The following VIPR2 variants were observed in gnomAD, a reference collection of about 807,000 sequenced individuals.
VIPR2 encodes the protein vasoactive intestinal polypeptide receptor 2.
Under a neutral mutation model 58.0 loss-of-function variants are expected in VIPR2, and 48 were observed. That is an observed-to-expected ratio of 0.83 (90% CI 0.66 to 1.05). VIPR2 has a LOEUF of 1.05. Ranked by LOEUF, VIPR2 falls within the 50% of genes least tolerant of loss-of-function variation. VIPR2 has a pLI of 0.00. For synonymous variants in VIPR2, 243 were observed against 235.2 expected (o/e 1.03, Z -0.30); for missense variants, 534 against 558.0 (o/e 0.96, Z 0.43).
intron 2 of VIPR2, among the ~76,000 whole-genome samples, chr7:159,134,869 G>C (rs189129631): frequency 0.013 from 1,970 of 151,998 alleles, 17 homozygotes; most frequent in Non-Finnish European, 0.021. Flanking sequence ...GTGTTAGCCA[G>C]GATGGTCTTG....
chr7:159,034,662 A>G lies in VIPR2; in HGVS notation c.810-12T>C, dbSNP rs1232947016. On this transcript the variant is annotated splice_polypyrimidine_tract_variant and intron_variant, in intron 8 of 12. Coordinates refer to ENST00000262178, the MANE Select transcript of VIPR2 (RefSeq NM_003382.5). Reference sequence around the variant, plus strand: ...TTGTATCCCAGCAACTGTCAGAGAGAGATGGGAAATCAGGTTACCACCAAC... The same window carrying G: ...TTGTATCCCAGCAACTGTCAGAGAGGGATGGGAAATCAGGTTACCACCAAC... 4 of 1,613,046 alleles carry G rather than the reference A, an allele frequency of 2.5e-6. No homozygotes were observed. The South Asian group carries it at 4.4e-5, about 18-fold the overall frequency.
intron 6 of VIPR2, among the ~76,000 whole-genome samples, chr7:159,037,200 C>CA (rs1302567352): frequency 6.6e-6 from 1 of 152,240 alleles, no homozygotes; most frequent in Non-Finnish European, 1.5e-5. Context: ...ACAGGCCGCA[C>CA]AGCTCCCTGG....
chr7:159,081,972 C>A (rs1217712356), intron 4 of VIPR2, among the ~76,000 whole-genome samples: 2 of 152,132 alleles, frequency 1.3e-5, no homozygotes, highest in African/African-American at 2.4e-5. Flanking sequence ...ACAACAGGTG[C>A]TGGAGAGGAT....
chr7:159,030,633 C>G lies in VIPR2; in HGVS notation c.1300G>C (p.Glu434Gln), dbSNP rs1023034655. ...GGGTGGGGCTAGATGACCGAGGTCTCCGTTTGCAGGAAGGACTGGGCGCGG... is the reference window on the plus strand; with the variant it reads ...GGGTGGGGCTAGATGACCGAGGTCTGCGTTTGCAGGAAGGACTGGGCGCGG... ...GSRAQSFLQT[E>Q]TSVI The change falls in exon 13 of 13, where the codon GAG becomes CAG. Residue 434 changes from glutamate (E) to glutamine (Q), a missense_variant. This residue lies in a region of VIPR2 where 306 missense variants were observed against 285.8 expected (regional missense o/e 1.07). Transcript: ENST00000262178. 1.9e-6 allele frequency: 3 copies of G among 1,550,604 alleles called. No individual in the cohort carries two copies. The highest frequency in any genetic ancestry group is 1.2e-5 in the South Asian group (1 of 83,670).
At chr7:159,135,004 G>GTTTTTTGTTTTTTTTTTTTTTTT (rs1416758329) in intron 2 of VIPR2, among the ~76,000 whole-genome samples, 1 of 65,992 alleles carries the variant, frequency 1.5e-5, no homozygotes, top group African/African-American at 6.5e-5. Flanking sequence ...AATTACAAAA[G>GTTTTTTGTTTTTTTTTTTTTTTT]TTTTTTTTTT....
At chr7:159,034,732 C>A in intron 8 of VIPR2, 82 bp from the exon 9 acceptor site, 1 of 1,140,434 alleles carries the variant, frequency 8.8e-7, no homozygotes, top group Non-Finnish European at 1.3e-6. Flanking sequence ...CTGCCCCTCC[C>A]AACTTGCCCA....
At chr7:159,062,618 TAGTG>T in intron 4 of VIPR2, among the ~76,000 whole-genome samples, 1 of 152,250 alleles carries the variant, frequency 6.6e-6, no homozygotes, top group African/African-American at 2.4e-5. Context: ...CAGACATTCC[TAGTG>T]AGTATTACAG....
In VIPR2 at chr7:159,103,600, C is replaced by T. The variant is rs116430430; in HGVS notation, c.357+157G>A. Among the ~76,000 whole-genome samples the T allele has an allele frequency of 8.0e-3, 1,220 of 152,272 alleles. 20 individuals carry two copies. Among genetic ancestry groups the T allele is most frequent in the African/African-American group, 0.025 (1,048 of 41,550 alleles). ...CCAAGTGCCAGCAGCAGAACGGAAA[C>T]AGGGACTTCGCTTAACTTGGAAAGC... On this transcript the variant is annotated intron_variant, in intron 4 of 12. Transcript: ENST00000262178.
At chr7:159,072,454 G>A (rs1029897733) in intron 4 of VIPR2, among the ~76,000 whole-genome samples, 2 of 152,110 alleles carry the variant, frequency 1.3e-5, no homozygotes, top group Admixed American at 1.3e-4. Flanking sequence ...ATGGTCAGTG[G>A]CATAATTAGA....
Position 159,056,901 on chromosome 7 carries a change from A to G in VIPR2, c.455+1580T>C, listed in dbSNP as rs962495171. Among the ~76,000 whole-genome samples, 7 of 152,294 alleles carry G rather than the reference A, an allele frequency of 4.6e-5. No homozygotes were observed. In the East Asian group the frequency reaches 1.2e-3, roughly 25 times the overall value. ...GAGCTGCACACCAGCTCTGGACACT[A>G]TGTGGTCACCAGCAGAATGACATCC... On this transcript the variant is annotated intron_variant, in intron 5 of 12. Transcript: ENST00000262178.
At position 159,086,306 on chromosome 7, in the gene VIPR2, C is replaced by T. The variant is rs3793225; in HGVS notation, c.357+17451G>A. ...AGGTAAAGCACAGATATGATCTTGA[C>T]TTGTTTTGCCCATGGAGTCCTATGA... On this transcript the variant is annotated intron_variant, in intron 4 of 12. Coordinates refer to ENST00000262178, the MANE Select transcript of VIPR2 (RefSeq NM_003382.5). Among the ~76,000 whole-genome samples, 50 of 152,320 alleles carry T rather than the reference C, an allele frequency of 3.3e-4. 3 individuals are homozygous for T. The East Asian group carries it at 9.6e-3, about 29-fold the overall frequency.
intron 4 of VIPR2, among the ~76,000 whole-genome samples, chr7:159,063,850 GCCTGGTGGGTTCCGGGGGT>G (rs1855898059): frequency 1.7e-4 from 4 of 22,966 alleles, no homozygotes; most frequent in Non-Finnish European, 2.7e-4. Context: ...GGTCTGGGGG[GCCTGGTGGGTTCCGGGGGT>G]CCTGGTGGGG....
intron 2 of VIPR2, among the ~76,000 whole-genome samples, chr7:159,125,045 T>C (rs1201518037): frequency 6.6e-6 from 1 of 152,176 alleles, no homozygotes; most frequent in East Asian, 1.9e-4. Flanking sequence ...GCTGAGACTA[T>C]AGGGTTTTCT....
intron 2 of VIPR2, among the ~76,000 whole-genome samples, chr7:159,135,007 T>TTTTTTTTTTTTG (rs1563357285): frequency 5.1e-5 from 6 of 118,576 alleles, no homozygotes; most frequent in Non-Finnish European, 1.0e-4. Flanking sequence ...TACAAAAGTT[T>TTTTTTTTTTTTG]TTTTTTTTTT....
chr7:159,069,981 T>A (rs1208621875), intron 4 of VIPR2, among the ~76,000 whole-genome samples: 10 of 152,182 alleles, frequency 6.6e-5, no homozygotes, highest in Non-Finnish European at 1.2e-4. Context: ...GTTTGGAGTT[T>A]ACCCATGGGA....
In VIPR2 at chr7:159,134,814, C is replaced by T. The variant is rs56032001; in HGVS notation, c.151+7632G>A. On this transcript the variant is annotated intron_variant, in intron 2 of 12. Coordinates refer to ENST00000262178, the MANE Select transcript of VIPR2 (RefSeq NM_003382.5). ...CTGGGACTAGAGGCGCCCGCCACCA[C>T]GCCCGGCTAATTTTTTGTATATTTA... Among the ~76,000 whole-genome samples, 7 of 151,646 alleles carry T rather than the reference C, an allele frequency of 4.6e-5. No individual in the cohort carries two copies. In the South Asian group the frequency reaches 8.3e-4, roughly 18 times the overall value.
chr7:159,103,757 C>T lies in VIPR2; in HGVS notation c.357G>A (p.Lys119=). The T allele has an allele frequency of 6.2e-7, 1 of 1,613,802 alleles. No homozygotes were observed. Among genetic ancestry groups the T allele is most frequent in the Non-Finnish European group, 8.5e-7 (1 of 1,179,746 alleles). ...ACCGTAGCACCACGCAGGAGCCTAC[C>T]TTGCTCTCATCCTCCGGGTCGCTGT... ...CGYSDPEDES[K]ITFYILVKAI... The change falls in exon 4 of 13, where the codon AAG becomes AAA. Residue 119 remains lysine, a splice_region_variant and synonymous_variant. Coordinates refer to ENST00000262178, the MANE Select transcript of VIPR2 (RefSeq NM_003382.5).
chr7:159,135,007 T>TG (rs1563357281), intron 2 of VIPR2, among the ~76,000 whole-genome samples: 1 of 118,576 alleles, frequency 8.4e-6, no homozygotes, highest in Non-Finnish European at 1.7e-5. Flanking sequence ...TACAAAAGTT[T>TG]TTTTTTTTTT....
At position 159,122,655 on chromosome 7, in the gene VIPR2, C is replaced by T. The variant is rs115894239; in HGVS notation, c.152-12736G>A. Among the ~76,000 whole-genome samples, 481 of 152,336 alleles carry T rather than the reference C, an allele frequency of 3.2e-3. 3 individuals carry two copies. Among genetic ancestry groups the T allele is most frequent in the African/African-American group, 0.011 (444 of 41,562 alleles). On this transcript the variant is annotated intron_variant, in intron 2 of 12. Coordinates refer to ENST00000262178, the MANE Select transcript of VIPR2 (RefSeq NM_003382.5). Reference sequence around the variant, plus strand: ...ACACCTGTGAGTCTTTGTGTCTTCTCTGGAAAGACAGCTGCTGAGCAAGGA... The same window carrying T: ...ACACCTGTGAGTCTTTGTGTCTTCTTTGGAAAGACAGCTGCTGAGCAAGGA...
Sources: gnomAD v4.1 joint callset for allele counts (sites outside exome capture counted in the v4.1 genomes callset) on GRCh38, gnomAD v4.1.1 for gene constraint, gnomAD v4.1.1 regional missense constraint, MANE v1.5 for transcripts, NCBI Gene and HGNC (gene_info 2026-07-23, HGNC 2026-07-21) for gene names.